STT3B: variants seen among roughly 807,000 people sequenced by gnomAD.
STT3B encodes STT3 oligosaccharyltransferase complex catalytic subunit B.
STT3B carries 29 observed loss-of-function variants against 96.8 expected under a neutral mutation model. The ratio of observed to expected loss-of-function variants is 0.30; its 90% CI spans 0.22 to 0.41. The LOEUF is 0.41. STT3B is among the 10% of genes least tolerant of loss of function. The pLI is 1.00. For missense variants in STT3B, 640 were observed against 1,022.3 expected, an observed-to-expected ratio of 0.63 and a Z score of 5.10; for synonymous variants, 367 against 360.0, an observed-to-expected ratio of 1.02 and a Z score of -0.22.
rs745596052 is a variant in STT3B at position 31,580,124 on chromosome 3, A to G, written c.711+28A>G. ...AAGTGACATTTAATGTTTTGCTGCC[A>G]TTATTACTCGTGACCTTTCTCCTGA... On this transcript the variant is annotated intron_variant, in intron 3 of 15. Coordinates refer to ENST00000295770, the MANE Select transcript of STT3B (RefSeq NM_178862.3). 2.5e-6 allele frequency: 4 copies of G among 1,596,638 alleles called. No homozygotes were observed. The Admixed American group carries it at 5.1e-5, about 20-fold the overall frequency.
In STT3B at chr3:31,625,038, A is replaced by G. The variant is rs763036630; in HGVS notation, c.1852A>G (p.Thr618Ala). Residue 618 changes from threonine to alanine, a missense_variant, in exon 12 of 16, where the codon ACT becomes GCT. Transcript: ENST00000295770. ...GYQIAGMANR[T>A]TLVDNNTWNN... is the part of the protein sequence containing the mutation. ...TCAGATAGCTGGAATGGCTAATAGAACTACGTTGGTGGATAATAACACCTG... is the reference window on the plus strand; with the variant it reads ...TCAGATAGCTGGAATGGCTAATAGAGCTACGTTGGTGGATAATAACACCTG... 1 of 1,613,840 alleles carries G rather than the reference A, an allele frequency of 6.2e-7. No individual in the cohort carries two copies. Among genetic ancestry groups the G allele is most frequent in the Admixed American group, 1.7e-5 (1 of 60,018 alleles).
At chr3:31,596,907 T>C (rs1257511169) in intron 4 of STT3B, 44 bp downstream of exon 4, 5 of 1,419,982 alleles carry the variant, frequency 3.5e-6, no homozygotes, top group Non-Finnish European at 4.9e-6. Context: ...AGTAGGTCTC[T>C]GGAGGTTAAA....
At chr3:31,599,601 A>G (rs1698880174) in intron 4 of STT3B, among the ~76,000 whole-genome samples, 1 of 152,224 alleles carries the variant, frequency 6.6e-6, no homozygotes, top group South Asian at 2.1e-4. Flanking sequence ...GTTGATACAA[A>G]TGAGCCTTTC....
chr3:31,593,688 A>G (rs1698720017), intron 3 of STT3B, among the ~76,000 whole-genome samples: 1 of 152,056 alleles, frequency 6.6e-6, no homozygotes, highest in Admixed American at 6.5e-5. Flanking sequence ...TCCATTTATT[A>G]TGCTTTTCAG....
intron 1 of STT3B, among the ~76,000 whole-genome samples, chr3:31,561,386 G>T (rs921535595): frequency 6.6e-6 from 1 of 151,952 alleles, no homozygotes; most frequent in African/African-American, 2.4e-5. Flanking sequence ...GGAGAATGGG[G>T]TATCTGTCCC....
intron 1 of STT3B, among the ~76,000 whole-genome samples, chr3:31,553,436 A>G (rs1222262486): frequency 6.6e-6 from 1 of 152,246 alleles, no homozygotes; most frequent in Non-Finnish European, 1.5e-5. Flanking sequence ...CTCAGCAGTA[A>G]AAAAGAATAA....
At chr3:31,593,194 T>C (rs544358492) in intron 3 of STT3B, among the ~76,000 whole-genome samples, 6 of 152,340 alleles carry the variant, frequency 3.9e-5, no homozygotes, top group African/African-American at 1.4e-4. Flanking sequence ...GTAATTGCGG[T>C]TATTCCCATT....
At chr3:31,537,822 C>G (rs1194711098) in intron 1 of STT3B, among the ~76,000 whole-genome samples, 1 of 152,108 alleles carries the variant, frequency 6.6e-6, no homozygotes, top group Admixed American at 6.6e-5. Flanking sequence ...TTTATACTCT[C>G]TATAAGTTTT....
chr3:31,546,843 T>C (rs930172682), intron 1 of STT3B, among the ~76,000 whole-genome samples: 1 of 152,162 alleles, frequency 6.6e-6, no homozygotes, highest in Non-Finnish European at 1.5e-5. Context: ...GCAATCCTAT[T>C]AGATATTTTA....
At chr3:31,563,967 A>G (rs774935767) in intron 1 of STT3B, among the ~76,000 whole-genome samples, 1 of 152,098 alleles carries the variant, frequency 6.6e-6, no homozygotes, top group Non-Finnish European at 1.5e-5. Flanking sequence ...CCGTTTCTGT[A>G]TACAATACTA....
chr3:31,625,610 A>ATC (rs1699519067), intron 12 of STT3B, among the ~76,000 whole-genome samples: 1 of 152,206 alleles, frequency 6.6e-6, no homozygotes, highest in Admixed American at 6.5e-5. Context: ...GGGAGAAGAA[A>ATC]TGTATGTGCT....
chr3:31,577,937 G>T (rs1698296858), intron 2 of STT3B, among the ~76,000 whole-genome samples: 3 of 151,866 alleles, frequency 2.0e-5, no homozygotes, highest in Non-Finnish European at 4.4e-5. Context: ...TTTTCTCTAA[G>T]AGTCCTGATG....
intron 3 of STT3B, among the ~76,000 whole-genome samples, chr3:31,590,100 A>G (rs557559447): frequency 8.6e-4 from 131 of 151,948 alleles, no homozygotes; most frequent in African/African-American, 3.0e-3. Flanking sequence ...TTTTTATTTT[A>G]TCTAAATGAC....
At chr3:31,629,100 T>C (rs1699599271) in intron 13 of STT3B, among the ~76,000 whole-genome samples, 198 bp from the exon 14 acceptor site, 1 of 152,062 alleles carries the variant, frequency 6.6e-6, no homozygotes, top group Non-Finnish European at 1.5e-5. Context: ...AACGAGACAT[T>C]GTCTCAAAAA....
Position 31,637,104 on chromosome 3 carries a change from T to C in STT3B, c.*1040T>C, listed in dbSNP as rs778323329. The C allele has an allele frequency of 1.3e-5, 2 of 152,178 alleles. No individual in the cohort carries two copies. The highest frequency in any genetic ancestry group is 2.1e-4 in the South Asian group (1 of 4,832). The allele number at this position is 152,178 out of a possible 1,614,324, so 9.4% of individuals were successfully genotyped here. The stretch of plus-strand genomic sequence containing the variant: ...TAGTGCTATATGCATTTTCTTACTT[T>C]TGTTAAAAATGTGACAGTTGTCAAA... On this transcript the variant is annotated 3_prime_UTR_variant, in exon 16 of 16. Coordinates refer to ENST00000295770, the MANE Select transcript of STT3B (RefSeq NM_178862.3).
At chr3:31,563,025 AG>A (rs1559366748) in intron 1 of STT3B, among the ~76,000 whole-genome samples, 1 of 152,066 alleles carries the variant, frequency 6.6e-6, no homozygotes, top group African/African-American at 2.4e-5. Flanking sequence ...TGTAGACCTT[AG>A]GGGGTCTCTC....
chr3:31,600,035 C>G (rs1698895357), intron 4 of STT3B, among the ~76,000 whole-genome samples: 1 of 152,006 alleles, frequency 6.6e-6, no homozygotes, highest in Non-Finnish European at 1.5e-5. Context: ...GATCTATATC[C>G]TAAAACTCCT....
chr3:31,635,907 T>G (rs1699746616), intron 15 of STT3B, 77 bp from the exon 16 acceptor site: 3 of 1,087,214 alleles, frequency 2.8e-6, no homozygotes, highest in Non-Finnish European at 4.0e-6. Flanking sequence ...CATAGTTCAG[T>G]AAACCATGTG....
intron 15 of STT3B, 28 bp downstream of exon 15, chr3:31,633,175 G>A (rs1323914708): frequency 6.3e-7 from 1 of 1,587,836 alleles, no homozygotes; most frequent in Non-Finnish European, 8.6e-7. Flanking sequence ...GCATTAAAGG[G>A]TAACTTAAGG....
Sources: gnomAD v4.1 joint callset for allele counts (sites outside exome capture counted in the v4.1 genomes callset) on GRCh38, gnomAD v4.1.1 for gene constraint, MANE v1.5 for transcripts, NCBI Gene and HGNC (gene_info 2026-07-23, HGNC 2026-07-21) for gene names.